The following BMP2K variants were observed in gnomAD, a reference collection of about 807,000 sequenced individuals.
BMP2K encodes BMP-2-inducible protein kinase.
In BMP2K, 74 loss-of-function variants were observed where a neutral mutation model predicts 116.0. The observed-to-expected ratio is 0.64, with a 90% CI of 0.53 to 0.77. The LOEUF (loss-of-function observed/expected upper bound fraction) is 0.77, where lower values mean the gene tolerates loss of function less well. Among genes scored for constraint, BMP2K ranks in the 30% least tolerant of loss-of-function variants. BMP2K has a pLI of 0.00. For missense variants in BMP2K, 1,365 were observed against 1,403.6 expected (o/e 0.97, Z 0.44); for synonymous variants, 486 against 502.5 (o/e 0.97, Z 0.44).
intron 1 of BMP2K, among the ~76,000 whole-genome samples, chr4:78,788,118 T>C (rs914571041): frequency 3.3e-5 from 5 of 152,088 alleles, no homozygotes; most frequent in Non-Finnish European, 7.4e-5. Context: ...TCACTGGCAA[T>C]TACCCATTTT....
Position 78,911,384 on chromosome 4 carries a change from A to C in BMP2K, c.2837A>C (p.Lys946Thr). ...CAGCCCTTCCTCACATCAACAAGTA[A>C]AAGTGAAAGCAATGAGGACCTTTTT... is the stretch of plus-strand genomic sequence containing the variant. The part of the protein sequence containing the change: ...PFQPFLTSTS[K>T]SESNEDLFGL... The change falls in exon 16 of 16, where the codon AAA (lysine) becomes ACA (threonine). Residue 946 changes from lysine to threonine, a missense_variant. Around this residue, in one of 3 missense-constraint regions of BMP2K, gnomAD observed 596 missense variants for 623.2 expected, o/e 0.96. Coordinates refer to ENST00000502613, the MANE Select transcript of BMP2K (RefSeq NM_198892.2). 1 of 1,614,006 alleles carries C rather than the reference A, an allele frequency of 6.2e-7. No individual in the cohort carries two copies. Among genetic ancestry groups the C allele is most frequent in the Non-Finnish European group, 8.5e-7 (1 of 1,179,884 alleles).
intron 10 of BMP2K, among the ~76,000 whole-genome samples, chr4:78,867,968 AAG>A (rs561057272): frequency 4.4e-4 from 67 of 152,250 alleles, no homozygotes; most frequent in African/African-American, 1.5e-3. Context: ...GCTGAGGCAC[AAG>A]AGTCACTTGA....
At chr4:78,823,231 G>C (rs963790527) in intron 1 of BMP2K, among the ~76,000 whole-genome samples, 3 of 151,962 alleles carry the variant, frequency 2.0e-5, no homozygotes, top group Non-Finnish European at 4.4e-5. Context: ...AAACCTACTT[G>C]ATACTTGTTT....
chr4:78,854,068 A>G (rs993527498), intron 7 of BMP2K, among the ~76,000 whole-genome samples: 17 of 151,560 alleles, frequency 1.1e-4, no homozygotes, highest in Non-Finnish European at 2.4e-4. Context: ...AAATTATCAT[A>G]TATTCCAGAA....
intron 3 of BMP2K, among the ~76,000 whole-genome samples, chr4:78,836,579 C>T (rs1449010644): frequency 6.6e-6 from 1 of 152,140 alleles, no homozygotes; most frequent in African/African-American, 2.4e-5. Flanking sequence ...ATTACCTTTG[C>T]CTCCCTTCTG....
Position 78,914,426 on chromosome 4 carries a change from GGA to G in BMP2K, c.*2398_*2399del, listed in dbSNP as rs1481969223. The G allele has an allele frequency of 1.3e-5, 2 of 152,076 alleles. No homozygotes were observed. The highest frequency in any genetic ancestry group is 1.9e-4 in the East Asian group (1 of 5,188). 9.4% of individuals were successfully genotyped at this position (152,076 alleles called of 1,614,324 possible). A position where few individuals can be genotyped will look rare whatever the true frequency, so the allele number is the denominator to read the frequency against. ...ATTGGGGGTTCAATAGGATAGAAAT[GGA>G]GAGATTCCTTTGTGTTGTAGTAGAG... On this transcript the variant is annotated 3_prime_UTR_variant, in exon 16 of 16. Transcript: ENST00000502613.
chr4:78,873,373 T>C (rs924476764), intron 13 of BMP2K, among the ~76,000 whole-genome samples: 16 of 152,208 alleles, frequency 1.1e-4, no homozygotes, highest in African/African-American at 3.6e-4. Flanking sequence ...CTTAAACTTA[T>C]ACAAAATGGC....
chr4:78,891,588 ATC>A (rs1187727506), intron 15 of BMP2K, among the ~76,000 whole-genome samples: 4 of 151,974 alleles, frequency 2.6e-5, no homozygotes, highest in Admixed American at 2.6e-4. Context: ...TTATATTTGC[ATC>A]TTAGAAATTT....
intron 14 of BMP2K, 42 bp from the exon 15 acceptor site, chr4:78,887,127 TTTTTA>T: frequency 7.6e-7 from 1 of 1,312,782 alleles, no homozygotes; most frequent in South Asian, 1.3e-5. Flanking sequence ...TTAAAGATCA[TTTTTA>T]TTTCATTTCA....
At chr4:78,809,723 T>G (rs528032655) in intron 1 of BMP2K, among the ~76,000 whole-genome samples, 20 of 152,016 alleles carry the variant, frequency 1.3e-4, no homozygotes, top group African/African-American at 4.8e-4. Context: ...GACTCTTTAT[T>G]AACATTCTCT....
intron 1 of BMP2K, among the ~76,000 whole-genome samples, chr4:78,786,452 T>TGTGTGTGTGTGTG (rs1560498714): frequency 4.1e-5 from 6 of 146,258 alleles, no homozygotes; most frequent in African/African-American, 1.3e-4. Context: ...TGTGTGTGTG[T>TGTGTGTGTGTGTG]TTTGAGACAC....
In BMP2K at chr4:78,887,201, A is replaced by G. The variant is rs1433195066; in HGVS notation, c.1979A>G (p.Asp660Gly). 3 of 1,610,708 alleles carry G rather than the reference A, an allele frequency of 1.9e-6. No individual in the cohort carries two copies. Among genetic ancestry groups the G allele is most frequent in the Non-Finnish European group, 2.5e-6 (3 of 1,178,382 alleles). Residue 660 changes from aspartate (D) to glycine (G), a missense_variant, in exon 15 of 16, where the codon GAT becomes GGT. This residue lies in a region of BMP2K where 596 missense variants were observed against 623.2 expected (regional missense o/e 0.96). Coordinates refer to ENST00000502613, the MANE Select transcript of BMP2K (RefSeq NM_198892.2). Reference protein sequence around the residue: ...SNRLEERASSDKNVDSLSAPH... With the variant: ...SNRLEERASSGKNVDSLSAPH... ...AGGCTCGAGGAGAGAGCATCCTCAG[A>G]TAAGAATGTAGACTCACTTTCTGCT...
intron 1 of BMP2K, among the ~76,000 whole-genome samples, chr4:78,781,725 G>A (rs1434244634): frequency 6.6e-6 from 1 of 152,114 alleles, no homozygotes; most frequent in South Asian, 2.1e-4. Flanking sequence ...AACATTCAGA[G>A]GATTTGGTAA....
In BMP2K at chr4:78,848,673, C is replaced by T. The variant is rs1318265476; in HGVS notation, c.750+1404C>T. ...TTTTCTGGGTTATTTTTTCCTCAGA[C>T]TTAGTATGCCAGTGAGGTAGCATAC... On this transcript the variant is annotated intron_variant, in intron 6 of 15. Coordinates refer to ENST00000502613, the MANE Select transcript of BMP2K (RefSeq NM_198892.2). Among the ~76,000 whole-genome samples, 40 of 151,296 alleles carry T rather than the reference C, an allele frequency of 2.6e-4. No homozygotes were observed. In the Admixed American group the frequency reaches 2.6e-3, roughly 10 times the overall value.
rs1040068215 is a variant in BMP2K at position 78,838,532 on chromosome 4, G to C, written c.404-3853G>C. ...TTTCTCAGATGAATCAATTAGATAAGTTCCTTTTTCTTCCATGGTGGGGGA... is the reference window on the plus strand; with the variant it reads ...TTTCTCAGATGAATCAATTAGATAACTTCCTTTTTCTTCCATGGTGGGGGA... On this transcript the variant is annotated intron_variant, in intron 3 of 15. Coordinates refer to ENST00000502613, the MANE Select transcript of BMP2K (RefSeq NM_198892.2). Among the ~76,000 whole-genome samples, 5 of 152,148 alleles carry C rather than the reference G, an allele frequency of 3.3e-5. No individual in the cohort carries two copies. In the South Asian group the frequency reaches 6.2e-4, roughly 19 times the overall value.
intron 15 of BMP2K, among the ~76,000 whole-genome samples, chr4:78,896,796 T>G (rs1225658581): frequency 2.0e-5 from 3 of 152,218 alleles, no homozygotes; most frequent in Admixed American, 2.0e-4. Flanking sequence ...TTTGCAATAT[T>G]TTAAATAATT....
chr4:78,875,529 C>G (rs952185622), intron 13 of BMP2K, among the ~76,000 whole-genome samples: 1 of 152,042 alleles, frequency 6.6e-6, no homozygotes, highest in South Asian at 2.1e-4. Flanking sequence ...GATATAATTG[C>G]CCTGTTATAT....
At chr4:78,826,410 G>T (rs956982866) in intron 2 of BMP2K, among the ~76,000 whole-genome samples, 3 of 151,810 alleles carry the variant, frequency 2.0e-5, no homozygotes, top group African/African-American at 7.3e-5. Flanking sequence ...ACCATGTTGG[G>T]CAGGCTGGTC....
At chr4:78,872,022 A>T in intron 12 of BMP2K, 74 bp downstream of exon 12, 1 of 1,077,572 alleles carries the variant, frequency 9.3e-7, no homozygotes, top group Non-Finnish European at 1.4e-6. Flanking sequence ...GAATCATATT[A>T]TTCAGAATTT....
Sources: gnomAD v4.1 joint callset for allele counts (sites outside exome capture counted in the v4.1 genomes callset) on GRCh38, gnomAD v4.1.1 for gene constraint, gnomAD v4.1.1 regional missense constraint, MANE v1.5 for transcripts, NCBI Gene and HGNC (gene_info 2026-07-23, HGNC 2026-07-21) for gene names.